Variants in CLHC1 observed in about 807,000 individuals in gnomAD.
CLHC1 encodes clathrin heavy chain linker domain-containing protein 1.
CLHC1 carries 72 observed loss-of-function variants against 69.5 expected under a neutral mutation model. The ratio of observed to expected loss-of-function variants is 1.04; its 90% CI spans 0.86 to 1.26. The LOEUF (loss-of-function observed/expected upper bound fraction) is 1.26, where lower values mean the gene tolerates loss of function less well. Among genes scored for constraint, CLHC1 ranks in the 50% most tolerant of loss-of-function variants. CLHC1 has a pLI of 0.00. For synonymous variants in CLHC1, 223 were observed against 224.3 expected, an observed-to-expected ratio of 0.99 and a Z score of 0.05; for missense variants, 790 against 679.3, an observed-to-expected ratio of 1.16 and a Z score of -1.81.
intron 9 of CLHC1, among the ~76,000 whole-genome samples, chr2:55,205,088 G>A (rs1276866192): frequency 1.3e-5 from 2 of 151,974 alleles, no homozygotes; most frequent in African/African-American, 2.4e-5. Context: ...CAATCAGAAT[G>A]GCTATTAATA....
At chr2:55,215,190 G>C (rs1251515369) in intron 4 of CLHC1, 1 of 152,166 alleles carries the variant, frequency 6.6e-6, no homozygotes, top group Non-Finnish European at 1.5e-5. Context: ...TGTTGAGATG[G>C]ACCTTCCTAC....
In CLHC1 at chr2:55,173,325, G is replaced by A. The variant is rs1196051288; in HGVS notation, c.*2465C>T. On this transcript the variant is annotated 3_prime_UTR_variant, in exon 13 of 13. Transcript: ENST00000401408. ...TTATTATTAGTAACTTTTAAAATAC[G>A]TTGTGTGTTTCCATTAAGGTTGTAA... 2.0e-5 allele frequency among the ~76,000 whole-genome samples: 3 copies of A among 152,194 alleles called. No homozygotes were observed. The highest frequency in any genetic ancestry group is 4.4e-5 in the Non-Finnish European group (3 of 68,036).
In CLHC1 at chr2:55,181,692, G is replaced by A. The variant is rs779671561; in HGVS notation, c.1059C>T (p.Ala353=). 3.1e-6 allele frequency: 5 copies of A among 1,613,428 alleles called. No homozygotes were observed. The African/African-American group carries it at 5.3e-5, about 17-fold the overall frequency. The change falls in exon 10 of 13, where the codon GCC becomes GCT. Residue 353 remains alanine, a synonymous_variant. Coordinates refer to ENST00000401408, the MANE Select transcript of CLHC1 (RefSeq NM_152385.4). ...GAAAAGCATGACTTGTGATAAAGAGGGCCTCAAAAAATAAGAGTAATGGAA... is the reference window on the plus strand; with the variant it reads ...GAAAAGCATGACTTGTGATAAAGAGAGCCTCAAAAAATAAGAGTAATGGAA... ...KPLPLLLFFE[A]LFITSHAFPC...
intron 5 of CLHC1, among the ~76,000 whole-genome samples, chr2:55,210,525 G>A (rs1672889811): frequency 6.6e-6 from 1 of 152,032 alleles, no homozygotes; most frequent in South Asian, 2.1e-4. Flanking sequence ...CATTATCAAT[G>A]AAGACTCGGT....
intron 9 of CLHC1, among the ~76,000 whole-genome samples, chr2:55,202,433 G>C (rs566718081): frequency 2.5e-4 from 38 of 151,790 alleles, no homozygotes; most frequent in African/African-American, 8.2e-4. Context: ...GCAGGTGCCT[G>C]TAATCCCAGG....
At chr2:55,231,296 C>T (rs79491256) in intron 1 of CLHC1, among the ~76,000 whole-genome samples, 1,978 of 151,288 alleles carry the variant, frequency 0.013, 17 homozygotes, top group Non-Finnish European at 0.021. Flanking sequence ...CGACTGGATT[C>T]TTCAGAAATG....
At chr2:55,187,961 C>T (rs1670570560) in intron 9 of CLHC1, among the ~76,000 whole-genome samples, 1 of 152,104 alleles carries the variant, frequency 6.6e-6, no homozygotes, top group Non-Finnish European at 1.5e-5. Context: ...TATAGACAAT[C>T]CAGCAGCAAA....
chr2:55,195,937 A>G (rs1558471730), intron 9 of CLHC1, among the ~76,000 whole-genome samples: 1 of 152,244 alleles, frequency 6.6e-6, no homozygotes, highest in Non-Finnish European at 1.5e-5. Context: ...GAGGCACTGA[A>G]GAGGGTAGAA....
intron 4 of CLHC1, among the ~76,000 whole-genome samples, chr2:55,217,540 AAAAAAAAAAAAAATATATAT>A (rs1293078126): frequency 1.8e-4 from 15 of 82,566 alleles, no homozygotes; most frequent in African/African-American, 7.9e-4. Context: ...AAAAAAAAAA[AAAAAAAAAAAAAATATATAT>A]ATATATATAT....
Position 55,174,805 on chromosome 2 carries a change from G to T in CLHC1, c.*985C>A, listed in dbSNP as rs1669243619. 1 of 151,794 alleles carries T rather than the reference G, an allele frequency of 6.6e-6. No homozygotes were observed. Among genetic ancestry groups the T allele is most frequent in the Admixed American group, 6.6e-5 (1 of 15,234 alleles). The allele number at this position is 151,794 out of a possible 1,614,324, so 9.4% of individuals were successfully genotyped here. The stretch of plus-strand genomic sequence containing the variant: ...TTTCTTTTTTTAATAACAGAGACGG[G>T]ATCTCACTGTGTTACCTAGCTGGTC... On this transcript the variant is annotated 3_prime_UTR_variant, in exon 13 of 13. Transcript: ENST00000401408.
At chr2:55,177,006 TG>T (rs1316286326) in intron 12 of CLHC1, among the ~76,000 whole-genome samples, 4 of 152,130 alleles carry the variant, frequency 2.6e-5, no homozygotes, top group Non-Finnish European at 5.9e-5. Context: ...CTCAAGTAGC[TG>T]GGACTACAGG....
At chr2:55,187,464 T>C (rs1440128779) in intron 9 of CLHC1, among the ~76,000 whole-genome samples, 1 of 151,724 alleles carries the variant, frequency 6.6e-6, no homozygotes, top group African/African-American at 2.4e-5. Flanking sequence ...AATACAAAAA[T>C]TAACTGGGTG....
At chr2:55,180,398 A>G in intron 11 of CLHC1, 112 bp downstream of exon 11, 1 of 692,652 alleles carries the variant, frequency 1.4e-6, no homozygotes, top group Non-Finnish European at 2.4e-6. Context: ...TTATTGGTAT[A>G]TATAAAATTG....
At chr2:55,231,689 C>G (rs891059403) in intron 1 of CLHC1, among the ~76,000 whole-genome samples, 3 of 152,164 alleles carry the variant, frequency 2.0e-5, no homozygotes, top group African/African-American at 7.2e-5. Flanking sequence ...ACAGGGAGAA[C>G]TTGCTTCTAA....
intron 9 of CLHC1, among the ~76,000 whole-genome samples, chr2:55,193,578 C>A (rs1671129059): frequency 6.6e-6 from 1 of 152,074 alleles, no homozygotes; most frequent in African/African-American, 2.4e-5. Flanking sequence ...TAAATAAAAA[C>A]CACAATGAGA....
chr2:55,208,865 C>CCTTTTTTTTTTT (rs1553353361), intron 7 of CLHC1, among the ~76,000 whole-genome samples, 155 bp from the exon 8 acceptor site: 2 of 90,820 alleles, frequency 2.2e-5, no homozygotes, highest in Non-Finnish European at 4.4e-5. Context: ...TCCCTTTCCT[C>CCTTTTTTTTTTT]TTTTTTTTTT....
chr2:55,190,178 G>T (rs1297430266), intron 9 of CLHC1, among the ~76,000 whole-genome samples: 4 of 151,810 alleles, frequency 2.6e-5, no homozygotes, highest in Admixed American at 2.0e-4. Flanking sequence ...CCGAGTAGCT[G>T]GGACTACAGG....
chr2:55,193,819 T>A (rs1002127294), intron 9 of CLHC1, among the ~76,000 whole-genome samples: 1 of 152,160 alleles, frequency 6.6e-6, no homozygotes, highest in Non-Finnish European at 1.5e-5. Flanking sequence ...AAAACTTGTA[T>A]ACAAATGTTC....
chr2:55,200,133 T>C lies in CLHC1; in HGVS notation c.1006+6137A>G, dbSNP rs898394435. Among the ~76,000 whole-genome samples the C allele has an allele frequency of 2.0e-5, 3 of 148,108 alleles. No homozygotes were observed. The East Asian group carries it at 5.9e-4, about 29-fold the overall frequency. ...CAGCTACTTGACAGGGTGAGTGAGA[T>C]GGTAGGATCACTTGAGCCCAGGAGG... On this transcript the variant is annotated intron_variant, in intron 9 of 12. Coordinates refer to ENST00000401408, the MANE Select transcript of CLHC1 (RefSeq NM_152385.4).
Sources: gnomAD v4.1 joint callset for allele counts (sites outside exome capture counted in the v4.1 genomes callset) on GRCh38, gnomAD v4.1.1 for gene constraint, MANE v1.5 for transcripts, NCBI Gene and HGNC (gene_info 2026-07-23, HGNC 2026-07-21) for gene names.